BRAF: variants seen among roughly 807,000 people sequenced by gnomAD.
BRAF encodes B-Raf proto-oncogene, serine/threonine kinase.
Under a neutral mutation model 104.6 loss-of-function variants are expected in BRAF, and 16 were observed. The observed-to-expected ratio is 0.15, with a 90% CI of 0.10 to 0.23. The LOEUF (loss-of-function observed/expected upper bound fraction) is 0.23. Ranked by LOEUF, BRAF falls within the 10% of genes least tolerant of loss-of-function variation. The pLI is 1.00. For missense variants in BRAF, 541 were observed against 937.3 expected, an observed-to-expected ratio of 0.58 and a Z score of 5.52; for synonymous variants, 310 against 341.6, an observed-to-expected ratio of 0.91 and a Z score of 1.02.
intron 14 of BRAF, among the ~76,000 whole-genome samples, chr7:140,774,427 T>C (rs1363195526): frequency 1.3e-5 from 2 of 152,174 alleles, no homozygotes; most frequent in African/African-American, 2.4e-5. Flanking sequence ...ACTATTCCAA[T>C]TTGATAATGT....
intron 19 of BRAF, among the ~76,000 whole-genome samples, chr7:140,727,987 C>T (rs751044769): frequency 2.0e-5 from 3 of 152,168 alleles, no homozygotes. Flanking sequence ...TATGAATATA[C>T]TGTTTAATCC....
At chr7:140,808,832 T>C in intron 4 of BRAF, 60 bp downstream of exon 4, 1 of 1,402,728 alleles carries the variant, frequency 7.1e-7, no homozygotes, top group Non-Finnish European at 1.0e-6. Context: ...TAAGAAAACT[T>C]CAAAGTTTAA....
chr7:140,862,258 A>T (rs1810501522), intron 1 of BRAF, among the ~76,000 whole-genome samples: 1 of 152,186 alleles, frequency 6.6e-6, no homozygotes, highest in Non-Finnish European at 1.5e-5. Context: ...TAAATAACAG[A>T]AGTAGTATTG....
chr7:140,747,421 A>G (rs1039761680), intron 17 of BRAF: 3 of 1,288,722 alleles, frequency 2.3e-6, no homozygotes, highest in African/African-American at 3.0e-5. Context: ...CACATCATTT[A>G]TTATACTCCC....
chr7:140,879,820 C>T (rs1265156611), intron 1 of BRAF, among the ~76,000 whole-genome samples: 2 of 151,480 alleles, frequency 1.3e-5, no homozygotes, highest in African/African-American at 2.4e-5. Context: ...CAACCTCTGC[C>T]TCCTGGGTTC....
At chr7:140,894,425 TA>T (rs1159697698) in intron 1 of BRAF, among the ~76,000 whole-genome samples, 1 of 152,136 alleles carries the variant, frequency 6.6e-6, no homozygotes, top group African/African-American at 2.4e-5. Flanking sequence ...AAGGATAAAG[TA>T]AAAAATAAAT....
chr7:140,758,882 G>C (rs1798424838), intron 14 of BRAF, among the ~76,000 whole-genome samples: 1 of 152,178 alleles, frequency 6.6e-6, no homozygotes, highest in Non-Finnish European at 1.5e-5. Flanking sequence ...TCAATATAAA[G>C]AATATCCGTC....
chr7:140,909,842 C>CAAA lies in BRAF; in HGVS notation c.138+14723_138+14724insTTT, dbSNP rs1305356144. Among the ~76,000 whole-genome samples the CAAA allele has an allele frequency of 9.3e-4, 138 of 148,138 alleles. 1 individual carries two copies. In the East Asian group the frequency reaches 0.01, roughly 11 times the overall value. Reference sequence around the variant, plus strand: ...ACAACAACAACAACAACAACAACAACAACAAAAAAGTGCCTCATACACAAA... The same window carrying CAAA: ...ACAACAACAACAACAACAACAACAACAAAAACAAAAAAGTGCCTCATACACAAA... On this transcript the variant is annotated intron_variant, in intron 1 of 19. Transcript: ENST00000644969.
intron 1 of BRAF, among the ~76,000 whole-genome samples, chr7:140,919,146 CAAAA>C (rs572137875): frequency 0.015 from 1,403 of 91,858 alleles, 10 homozygotes; most frequent in South Asian, 0.025. Flanking sequence ...GACTCCGTCT[CAAAA>C]AAAAAAAAAA....
Position 140,841,403 on chromosome 7 carries a change from A to G in BRAF, c.241-6531T>C, listed in dbSNP as rs1807950275. 2.6e-5 allele frequency among the ~76,000 whole-genome samples: 4 copies of G among 152,198 alleles called. No homozygotes were observed. In the South Asian group the frequency reaches 8.3e-4, roughly 32 times the overall value. On this transcript the variant is annotated intron_variant, in intron 2 of 19. Coordinates refer to ENST00000644969, the MANE Select transcript of BRAF (RefSeq NM_001374258.1). ...TTCTATTCCTAGGCATACAGCCAGGAAAAATGAAAATATATCTACACAAAA... is the reference window on the plus strand; with the variant it reads ...TTCTATTCCTAGGCATACAGCCAGGGAAAATGAAAATATATCTACACAAAA...
rs577009839 is a variant in BRAF at position 140,840,849 on chromosome 7, G to T, written c.241-5977C>A. The stretch of plus-strand genomic sequence containing the variant: ...CCCATCTCAGCCTCCCGGGCAGGTG[G>T]GACTACAGGCATGCACCACCACGCC... On this transcript the variant is annotated intron_variant, in intron 2 of 19. Coordinates refer to ENST00000644969, the MANE Select transcript of BRAF (RefSeq NM_001374258.1). Among the ~76,000 whole-genome samples, 4 of 151,344 alleles carry T rather than the reference G, an allele frequency of 2.6e-5. No individual in the cohort carries two copies. The South Asian group carries it at 8.4e-4, about 32-fold the overall frequency.
chr7:140,896,436 A>C (rs1441074314), intron 1 of BRAF, among the ~76,000 whole-genome samples: 2 of 152,124 alleles, frequency 1.3e-5, no homozygotes, highest in African/African-American at 4.8e-5. Context: ...CTTTTAAGGA[A>C]AAAAAAACAG....
At chr7:140,898,120 C>T (rs1202041115) in intron 1 of BRAF, among the ~76,000 whole-genome samples, 1 of 151,992 alleles carries the variant, frequency 6.6e-6, no homozygotes, top group East Asian at 1.9e-4. Flanking sequence ...ACTGCTTGAG[C>T]CCAGGAGGCT....
intron 8 of BRAF, among the ~76,000 whole-genome samples, chr7:140,788,417 G>A (rs1235266988): frequency 6.6e-6 from 1 of 152,058 alleles, no homozygotes; most frequent in East Asian, 1.9e-4. Context: ...TCAATTTAAT[G>A]AAGTATTATG....
intron 14 of BRAF, among the ~76,000 whole-genome samples, chr7:140,763,222 T>G (rs1269339859): frequency 6.6e-6 from 1 of 151,602 alleles, no homozygotes; most frequent in African/African-American, 2.4e-5. Context: ...ACGAGGCGGC[T>G]GGCCGGGCGG....
Position 140,757,558 on chromosome 7 carries a change from G to C in BRAF, c.1815-3325C>G, listed in dbSNP as rs182203806. 8.6e-4 allele frequency among the ~76,000 whole-genome samples: 131 copies of C among 152,326 alleles called. 2 individuals are homozygous for C. The highest frequency in any genetic ancestry group is 2.7e-3 in the African/African-American group (111 of 41,576). On this transcript the variant is annotated intron_variant, in intron 14 of 19. Coordinates refer to ENST00000644969, the MANE Select transcript of BRAF (RefSeq NM_001374258.1). ...CTGCCTCAGCCTTCCAAAGTGCTGGGATTACAGGCGTGAGCCACCACGCCC... is the reference window on the plus strand; with the variant it reads ...CTGCCTCAGCCTTCCAAAGTGCTGGCATTACAGGCGTGAGCCACCACGCCC...
At position 140,723,227 on chromosome 7, in the gene BRAF, A is replaced by AAT. The variant is rs1187490101; in HGVS notation, c.*3265_*3266dup. 1.6e-5 allele frequency: 17 copies of AAT among 1,054,614 alleles called. No homozygotes were observed. The highest frequency in any genetic ancestry group is 1.7e-5 in the Non-Finnish European group (15 of 872,732). The allele number at this position is 1,054,614 out of a possible 1,614,324, so 65.3% of individuals were successfully genotyped here. ...GCAGCAGCTCGCACTCCGCCTGGTG[A>AAT]ATACAAGGTAACATCCTGTGATGAA... On this transcript the variant is annotated 3_prime_UTR_variant, in exon 20 of 20. Transcript: ENST00000644969.
rs568370761 is a variant in BRAF at position 140,766,687 on chromosome 7, A to G, written c.1814+10225T>C. ...AACCTCAGCCTCCCGAGTAGCTGGG[A>G]CCACAGACATACACCACCACATCTG... On this transcript the variant is annotated intron_variant, in intron 14 of 19. Coordinates refer to ENST00000644969, the MANE Select transcript of BRAF (RefSeq NM_001374258.1). 2.8e-4 allele frequency among the ~76,000 whole-genome samples: 43 copies of G among 152,072 alleles called. 1 individual carries two copies. In the South Asian group the frequency reaches 8.7e-3, roughly 31 times the overall value.
At chr7:140,782,062 C>T (rs754621486) in intron 11 of BRAF, among the ~76,000 whole-genome samples, 27 of 152,160 alleles carry the variant, frequency 1.8e-4, no homozygotes, top group Non-Finnish European at 4.0e-4. Context: ...CTCTCCCCTC[C>T]CCCTACCCCA....
Sources: allele counts gnomAD v4.1 joint callset (sites outside exome capture counted in the v4.1 genomes callset), GRCh38; gene constraint gnomAD v4.1.1; transcripts MANE v1.5; gene names NCBI Gene and HGNC (gene_info 2026-07-23, HGNC 2026-07-21).